Variants in CELF2 observed in about 807,000 individuals in gnomAD.
The protein encoded by CELF2 is CUG triplet repeat RNA-binding protein 2.
In CELF2, 8 loss-of-function variants were observed where a neutral mutation model predicts 62.6. The ratio of observed to expected loss-of-function variants is 0.13; its 90% CI spans 0.07 to 0.23. CELF2 has a LOEUF of 0.23. Among genes scored for constraint, CELF2 ranks in the 10% least tolerant of loss-of-function variants. The pLI, the probability that CELF2 is intolerant of heterozygous loss-of-function variation, is 1.00. For synonymous variants in CELF2, 258 were observed against 250.0 expected (o/e 1.03, Z -0.30); for missense variants, 333 against 671.0 (o/e 0.50, Z 5.56).
chr10:10,850,174 C>T (rs2059297163), intron 1 of CELF2, among the ~76,000 whole-genome samples: 1 of 151,730 alleles, frequency 6.6e-6, no homozygotes, highest in African/African-American at 2.4e-5. Flanking sequence ...AAAAAATTGG[C>T]CAATATAAGT....
the CELF2 span, among the ~76,000 whole-genome samples, chr10:10,763,409 A>G: frequency 6.6e-6 from 1 of 152,120 alleles, no homozygotes; most frequent in South Asian, 2.1e-4. Context: ...GTATGTAATT[A>G]TGAGATGGAG....
chr10:10,866,210 GC>G (rs1312802180), intron 1 of CELF2, among the ~76,000 whole-genome samples: 2 of 152,080 alleles, frequency 1.3e-5, no homozygotes, highest in East Asian at 3.9e-4. Context: ...ATTGGACAAG[GC>G]CTACATCTTC....
chr10:11,138,706 G>C (rs2060826542), intron 1 of CELF2, among the ~76,000 whole-genome samples: 1 of 152,230 alleles, frequency 6.6e-6, no homozygotes, highest in Non-Finnish European at 1.5e-5. Flanking sequence ...TTTCTTTAAA[G>C]AAGCCAAGAT....
chr10:11,327,911 C>T lies in CELF2; in HGVS notation c.1439-1015C>T, dbSNP rs190348825. 9.9e-4 allele frequency among the ~76,000 whole-genome samples: 151 copies of T among 152,268 alleles called. 1 individual carries two copies. The highest frequency in any genetic ancestry group is 3.4e-3 in the African/African-American group (143 of 41,536). On this transcript the variant is annotated intron_variant, in intron 12 of 12. Transcript: ENST00000633077. ...GGTGCTTAGTATAGAACCTTCCGAA[C>T]AGCTGACGTTTAGACCTAAATGTAA...
chr10:10,821,509 A>G (rs2056961456), intron 1 of CELF2, among the ~76,000 whole-genome samples: 1 of 152,162 alleles, frequency 6.6e-6, no homozygotes, highest in Non-Finnish European at 1.5e-5. Context: ...CCAGGGTTAA[A>G]GTCCTTCTTG....
chr10:11,013,657 T>C (rs982068419), upstream of CELF2, among the ~76,000 whole-genome samples: 3 of 152,228 alleles, frequency 2.0e-5, no homozygotes, highest in African/African-American at 7.2e-5. The surrounding 1 kb of genome is among the most constrained non-coding windows in gnomAD (Gnocchi z 4.1). Context: ...TGAAAAAATG[T>C]AAAATGAGCT....
intron 1 of CELF2, chr10:11,030,747 C>A (rs1264557602): frequency 1.3e-5 from 2 of 152,220 alleles, no homozygotes; most frequent in Admixed American, 1.3e-4. Context: ...AATACAGGTT[C>A]TTAGCTATGA....
the CELF2 span, among the ~76,000 whole-genome samples, chr10:10,699,933 TA>T: frequency 6.6e-6 from 1 of 152,216 alleles, no homozygotes; most frequent in African/African-American, 2.4e-5. Context: ...GAGACTGCTC[TA>T]ATCTACGTAG....
In CELF2 at chr10:11,268,465, T is replaced by A. The variant is rs1361185012; in HGVS notation, c.618+1788T>A. Among the ~76,000 whole-genome samples the A allele has an allele frequency of 6.6e-6, 1 of 152,160 alleles. No homozygotes were observed. Among genetic ancestry groups the A allele is most frequent in the Non-Finnish European group, 1.5e-5 (1 of 68,022 alleles). ...CCACGGGAGACCATGTTCCCCTGTG[T>A]TCCTGTAGAAGGAGGACTCTGGATC... On this transcript the variant is annotated intron_variant, in intron 6 of 12. Transcript: ENST00000633077. This position sits in a 1 kb window ranked among gnomAD's most constrained non-coding sequence, Gnocchi z 4.7.
At chr10:10,513,426 T>A in the CELF2 span, among the ~76,000 whole-genome samples, 1 of 152,174 alleles carries the variant, frequency 6.6e-6, no homozygotes, top group Non-Finnish European at 1.5e-5. Flanking sequence ...TAAGGCTTTT[T>A]AAAAAGGAAA....
the CELF2 span, among the ~76,000 whole-genome samples, chr10:10,697,813 G>A: frequency 6.6e-6 from 1 of 152,122 alleles, no homozygotes; most frequent in African/African-American, 2.4e-5. Flanking sequence ...TCTGAGACAG[G>A]GTCTTGCTCT....
At chr10:10,927,050 T>G (rs182667268) in intron 2 of CELF2, 8 of 152,108 alleles carry the variant, frequency 5.3e-5, no homozygotes, top group Admixed American at 4.6e-4. Flanking sequence ...CCTCTGCAGG[T>G]TGAGGTGCCC....
At chr10:10,685,557 G>A in the CELF2 span, among the ~76,000 whole-genome samples, 2 of 152,304 alleles carry the variant, frequency 1.3e-5, no homozygotes, top group East Asian at 1.9e-4. Flanking sequence ...AGATTGCAAA[G>A]TCCATACACA....
intron 2 of CELF2, among the ~76,000 whole-genome samples, chr10:11,172,454 A>G (rs1375969088): frequency 6.6e-6 from 1 of 152,166 alleles, no homozygotes; most frequent in Non-Finnish European, 1.5e-5. Flanking sequence ...ACTGATACTG[A>G]CTCTAGCCAT....
intron 1 of CELF2, among the ~76,000 whole-genome samples, chr10:10,903,749 G>A (rs143386961): frequency 9.8e-5 from 15 of 152,294 alleles, no homozygotes; most frequent in African/African-American, 2.9e-4. Flanking sequence ...AGTGAAGGGC[G>A]TCAGGGATAC....
At chr10:11,119,622 C>A (rs1399498427) in intron 1 of CELF2, among the ~76,000 whole-genome samples, 1 of 151,978 alleles carries the variant, frequency 6.6e-6, no homozygotes, top group Non-Finnish European at 1.5e-5. Context: ...AATATTTAAA[C>A]TTTCATAAAT....
chr10:10,854,299 T>C (rs1280670362), intron 1 of CELF2, among the ~76,000 whole-genome samples: 2 of 152,134 alleles, frequency 1.3e-5, no homozygotes, highest in African/African-American at 4.8e-5. Context: ...TTATTGCAGT[T>C]GTGGTCAGCC....
upstream of CELF2, among the ~76,000 whole-genome samples, chr10:11,000,786 T>C (rs937383433): frequency 6.6e-6 from 1 of 152,210 alleles, no homozygotes; most frequent in Non-Finnish European, 1.5e-5. Flanking sequence ...GATACTCGGG[T>C]CTTTTATGCT....
In CELF2 at chr10:11,309,035, T is replaced by A. The variant is rs924689659; in HGVS notation, c.977-5104T>A. Among the ~76,000 whole-genome samples, 3 of 152,264 alleles carry A rather than the reference T, an allele frequency of 2.0e-5. No homozygotes were observed. Among genetic ancestry groups the A allele is most frequent in the African/African-American group, 7.2e-5 (3 of 41,470 alleles). On this transcript the variant is annotated intron_variant, in intron 9 of 12. Coordinates refer to ENST00000633077, the MANE Select transcript of CELF2 (RefSeq NM_001326342.2). The surrounding 1 kb of genome is among the most constrained non-coding windows in gnomAD (Gnocchi z 5.6). ...TGATGAAACATTGTAATTACACTTA[T>A]AATCCTTTAGGCATGATTTTTTAGA...
Sources: gnomAD v4.1 joint callset for allele counts (sites outside exome capture counted in the v4.1 genomes callset) on GRCh38, gnomAD v4.1.1 for gene constraint, Gnocchi (gnomAD v3.1) non-coding constraint, MANE v1.5 for transcripts, NCBI Gene and HGNC (gene_info 2026-07-23, HGNC 2026-07-21) for gene names.